PRKN: variants seen among roughly 807,000 people sequenced by gnomAD.
PRKN encodes the protein E3 ubiquitin-protein ligase parkin.
A neutral mutation model predicts 59.5 loss-of-function variants in PRKN; 56 were observed. The observed-to-expected ratio is 0.94, with a 90% CI of 0.76 to 1.18. The LOEUF is 1.18. Among genes scored for constraint, PRKN ranks in the 50% most tolerant of loss-of-function variants. The pLI, the probability that PRKN is intolerant of heterozygous loss-of-function variation, is 0.00. For missense variants in PRKN, 657 were observed against 596.4 expected (o/e 1.10, Z -1.06); for synonymous variants, 250 against 222.1 (o/e 1.13, Z -1.12).
chr6:161,387,624 C>T (rs752758929), intron 9 of PRKN, among the ~76,000 whole-genome samples: 106 of 152,306 alleles, frequency 7.0e-4, no homozygotes, highest in Non-Finnish European at 9.9e-4. Context: ...TATTTGTTTA[C>T]ATTCAATATT....
chr6:161,897,908 A>G (rs936251462), intron 6 of PRKN, among the ~76,000 whole-genome samples: 19 of 132,302 alleles, frequency 1.4e-4, no homozygotes, highest in Non-Finnish European at 1.6e-4. Flanking sequence ...CGGAGCTTGC[A>G]GTGAGCTGAG....
chr6:161,718,178 A>C (rs1449967869), intron 7 of PRKN, among the ~76,000 whole-genome samples: 1 of 152,176 alleles, frequency 6.6e-6, no homozygotes, highest in Non-Finnish European at 1.5e-5. Context: ...ACTTTCTTAA[A>C]TGAGAAAACG....
Position 161,396,234 on chromosome 6 carries a change from A to G in PRKN, c.1084-9357T>C, listed in dbSNP as rs114987419. On this transcript the variant is annotated intron_variant, in intron 9 of 11. Transcript: ENST00000366898. The surrounding 1 kb of genome is among the most constrained non-coding windows in gnomAD (Gnocchi z 5.4). ...GGTCCCCAGCTCTGGCATTTGTGTC[A>G]TGGCTTACCTTGTTCCCAAAGGCTA... Among the ~76,000 whole-genome samples, 310 of 152,296 alleles carry G rather than the reference A, an allele frequency of 2.0e-3. 3 individuals are homozygous for G. Among genetic ancestry groups the G allele is most frequent in the African/African-American group, 7.1e-3 (293 of 41,536 alleles).
At chr6:161,501,310 G>C (rs1031307527) in intron 9 of PRKN, among the ~76,000 whole-genome samples, 1 of 152,136 alleles carries the variant, frequency 6.6e-6, no homozygotes, top group Non-Finnish European at 1.5e-5. Context: ...TTGGGTTTTG[G>C]CCATTTTAGT....
At chr6:162,155,214 A>T (rs1782457333) in intron 4 of PRKN, among the ~76,000 whole-genome samples, 1 of 151,546 alleles carries the variant, frequency 6.6e-6, no homozygotes, top group African/African-American at 2.4e-5. Flanking sequence ...GTGGCTTACC[A>T]TTCTCTTAAT....
chr6:162,298,742 G>T (rs1208085606), intron 2 of PRKN, among the ~76,000 whole-genome samples: 1 of 151,778 alleles, frequency 6.6e-6, no homozygotes, highest in Non-Finnish European at 1.5e-5. Flanking sequence ...AGGAAAAACT[G>T]CCGAGGTGCA....
chr6:161,874,639 T>A (rs1318165562), intron 6 of PRKN, among the ~76,000 whole-genome samples: 4 of 10,868 alleles, frequency 3.7e-4, no homozygotes, highest in Non-Finnish European at 1.0e-3. Context: ...TATAAATATA[T>A]ATTACATATA....
chr6:162,689,995 G>T (rs1777713565), intron 1 of PRKN, among the ~76,000 whole-genome samples: 1 of 152,090 alleles, frequency 6.6e-6, no homozygotes, highest in African/African-American at 2.4e-5. Context: ...ACTCAGAATA[G>T]GATGTATTAT....
intron 6 of PRKN, among the ~76,000 whole-genome samples, chr6:161,885,429 C>A (rs941941159): frequency 2.0e-5 from 3 of 152,050 alleles, no homozygotes; most frequent in Non-Finnish European, 4.4e-5. Flanking sequence ...CTTTGGGAGG[C>A]CGAGGCGGGC....
At chr6:161,486,322 A>G (rs1276242633) in intron 9 of PRKN, among the ~76,000 whole-genome samples, 1 of 152,202 alleles carries the variant, frequency 6.6e-6, no homozygotes, top group Non-Finnish European at 1.5e-5. Context: ...AAGGCTGCAC[A>G]AAATAATGAA....
chr6:162,357,938 A>G (rs1453966160), intron 2 of PRKN, among the ~76,000 whole-genome samples: 1 of 152,192 alleles, frequency 6.6e-6, no homozygotes, highest in Non-Finnish European at 1.5e-5. Flanking sequence ...CGTGGAGTAC[A>G]GGGTATGTTT....
Position 162,402,110 on chromosome 6 carries a change from G to T in PRKN, c.171+41200C>A, listed in dbSNP as rs555504855. On this transcript the variant is annotated intron_variant, in intron 2 of 11. Transcript: ENST00000366898. ...ACCAAAAAACAAAAATTACCCAGGT[G>T]TGGTGGCACACACCTGTAATTCCAG... is the stretch of plus-strand genomic sequence containing the variant. Among the ~76,000 whole-genome samples the T allele has an allele frequency of 1.5e-4, 23 of 152,110 alleles. 1 individual carries two copies. The highest frequency in any genetic ancestry group is 3.2e-4 in the Non-Finnish European group (22 of 67,978).
chr6:162,673,893 C>T (rs1427744053), intron 1 of PRKN, among the ~76,000 whole-genome samples: 3 of 152,122 alleles, frequency 2.0e-5, no homozygotes, highest in Non-Finnish European at 2.9e-5. Context: ...TCAGATCAAG[C>T]CAGCAGGAGT....
intron 2 of PRKN, among the ~76,000 whole-genome samples, chr6:162,332,786 A>G (rs967632779): frequency 1.3e-5 from 2 of 151,968 alleles, no homozygotes; most frequent in African/African-American, 4.8e-5. Flanking sequence ...ACAGCCCCCA[A>G]CCCACACCTG....
At chr6:161,961,631 T>C (rs1780382173) in intron 6 of PRKN, among the ~76,000 whole-genome samples, 1 of 152,152 alleles carries the variant, frequency 6.6e-6, no homozygotes, top group Non-Finnish European at 1.5e-5. Context: ...CACCTTCACC[T>C]GCTAGAGAGT....
intron 2 of PRKN, among the ~76,000 whole-genome samples, chr6:162,431,510 A>T (rs7740355): frequency 0.12 from 17,722 of 152,096 alleles, 1,419 homozygotes; most frequent in African/African-American, 0.23. Flanking sequence ...GTGAGCCAAG[A>T]TCGCGCCACT....
chr6:162,435,303 A>G (rs549090320), intron 2 of PRKN, among the ~76,000 whole-genome samples: 1 of 152,210 alleles, frequency 6.6e-6, no homozygotes, highest in South Asian at 2.1e-4. Context: ...AAATGAATCC[A>G]CAGACTATAT....
At chr6:161,829,464 T>C (rs901437424) in intron 6 of PRKN, among the ~76,000 whole-genome samples, 2 of 152,154 alleles carry the variant, frequency 1.3e-5, no homozygotes, top group African/African-American at 4.8e-5. Context: ...CACTGATCTT[T>C]AGGCTCTCTG....
intron 6 of PRKN, among the ~76,000 whole-genome samples, chr6:161,809,267 G>A (rs1475795683): frequency 6.7e-6 from 1 of 150,048 alleles, no homozygotes; most frequent in Non-Finnish European, 1.5e-5. Flanking sequence ...AGGGGGGGAA[G>A]GGGGATGACT....
Sources: gnomAD v4.1 joint callset for allele counts (sites outside exome capture counted in the v4.1 genomes callset) on GRCh38, gnomAD v4.1.1 for gene constraint, Gnocchi (gnomAD v3.1) non-coding constraint, MANE v1.5 for transcripts, NCBI Gene and HGNC (gene_info 2026-07-23, HGNC 2026-07-21) for gene names.